Variants in MAOB observed in about 807,000 individuals in gnomAD.
MAOB encodes the protein amine oxidase [flavin-containing] B.
In MAOB, 15 loss-of-function variants were observed where a neutral mutation model predicts 41.9. The observed-to-expected ratio is 0.36, with a 90% confidence interval of 0.24 to 0.55. The LOEUF (loss-of-function observed/expected upper bound fraction) is 0.55, where lower values mean the gene tolerates loss of function less well. Ranked by LOEUF, MAOB falls within the 20% of genes least tolerant of loss-of-function variation. The pLI is 0.86. For missense variants in MAOB, 345 were observed against 398.7 expected, an observed-to-expected ratio of 0.87 and a Z score of 1.15; for synonymous variants, 167 against 144.2, an observed-to-expected ratio of 1.16 and a Z score of -1.13.
chrX:43,855,619 C>A (rs2035282695), intron 1 of MAOB, among the ~76,000 whole-genome samples: 3 of 111,756 alleles, frequency 2.7e-5, no homozygotes, highest in African/African-American at 9.8e-5. Context: ...AGTTAGAGAA[C>A]AAAAACAAGG....
intron 1 of MAOB, among the ~76,000 whole-genome samples, chrX:43,865,908 G>A (rs2035362161): frequency 9.1e-6 from 1 of 110,023 alleles, no homozygotes; most frequent in South Asian, 4.0e-4. Flanking sequence ...AAGTTACCTA[G>A]GTCAGGGGTG....
chrX:43,802,469 A>C (rs776364028), intron 4 of MAOB, among the ~76,000 whole-genome samples: 2 of 111,732 alleles, frequency 1.8e-5, no homozygotes, highest in East Asian at 5.6e-4. Flanking sequence ...TCCTATTATA[A>C]ATCTGTACCA....
chrX:43,843,552 G>A, intron 2 of MAOB, 118 bp downstream of exon 2: 4 of 595,067 alleles, frequency 6.7e-6, no homozygotes, highest in Non-Finnish European at 1.0e-5. Context: ...ATGTTTCAGA[G>A]TTATTTTCAC....
chrX:43,835,550 T>C (rs906623860), intron 3 of MAOB, among the ~76,000 whole-genome samples: 1 of 112,000 alleles, frequency 8.9e-6, no homozygotes, highest in Non-Finnish European at 1.9e-5. Context: ...TTTAACAACA[T>C]ATAACAGATC....
rs1307501633 is a variant in MAOB, at chrX:43,876,217, C to A, written c.46+6037G>T. Among the ~76,000 whole-genome samples the A allele has an allele frequency of 2.7e-5, 3 of 111,940 alleles. No individual in the cohort carries two copies. The East Asian group carries it at 8.4e-4, about 31-fold the overall frequency. On this transcript the variant is annotated intron_variant, in intron 1 of 14. Coordinates refer to ENST00000378069, the MANE Select transcript of MAOB (RefSeq NM_000898.5). ...TCAAGCAATCCACCCACCTTGGCCT[C>A]CCAAAGTGCTGGGATTACAGGTGTG...
rs369838533 is a variant in MAOB at position 43,803,415 on chromosome X, C to A, written c.280-11G>T. On this transcript the variant is annotated splice_polypyrimidine_tract_variant and intron_variant, in intron 3 of 14. Coordinates refer to ENST00000378069, the MANE Select transcript of MAOB (RefSeq NM_000898.5). ...GGGGTATGATTTGCCCTGTGAGATA[C>A]AAGATATTTTTAAAAGGAAATATTT... 35 of 1,162,945 alleles carry A rather than the reference C, an allele frequency of 3.0e-5. No individual in the cohort carries two copies. Among genetic ancestry groups the A allele is most frequent in the Non-Finnish European group, 3.8e-5 (33 of 879,649 alleles).
chrX:43,873,563 G>A (rs967465191), intron 1 of MAOB, among the ~76,000 whole-genome samples: 5 of 111,628 alleles, frequency 4.5e-5, no homozygotes, highest in Non-Finnish European at 9.4e-5. Flanking sequence ...GCCATTAAAT[G>A]GAGACTATGG....
At chrX:43,845,148 A>T (rs1261101504) in intron 1 of MAOB, among the ~76,000 whole-genome samples, 2 of 111,207 alleles carry the variant, frequency 1.8e-5, no homozygotes, top group East Asian at 2.8e-4. Context: ...ATTTTTTTTT[A>T]AAAGCACTCT....
intron 11 of MAOB, among the ~76,000 whole-genome samples, chrX:43,778,238 T>C (rs748315693): frequency 2.7e-5 from 3 of 110,629 alleles, no homozygotes; most frequent in African/African-American, 9.9e-5. Flanking sequence ...ATGGGGTAGG[T>C]ATAGGTTTAT....
At chrX:43,821,739 A>C (rs1055038553) in intron 3 of MAOB, among the ~76,000 whole-genome samples, 6 of 112,052 alleles carry the variant, frequency 5.4e-5, no homozygotes, top group Non-Finnish European at 1.1e-4. Context: ...GTTGAGAAAA[A>C]ATTGTTTCTA....
At chrX:43,850,568 G>A (rs1318024610) in intron 1 of MAOB, 1 of 425,296 alleles carries the variant, frequency 2.4e-6, no homozygotes, top group Non-Finnish European at 2.9e-6. Flanking sequence ...ATTGCAATGT[G>A]TACCATCATT....
intron 9 of MAOB, among the ~76,000 whole-genome samples, chrX:43,780,914 T>C (rs774060925): frequency 4.5e-5 from 5 of 111,848 alleles, no homozygotes; most frequent in African/African-American, 1.6e-4. Context: ...CTCATACATG[T>C]CCTGAGGCCC....
chrX:43,862,700 G>T (rs371220514), intron 1 of MAOB, among the ~76,000 whole-genome samples: 1 of 111,646 alleles, frequency 9.0e-6, no homozygotes, highest in Non-Finnish European at 1.9e-5. Context: ...TACATGCACC[G>T]GAAGGGCATA....
chrX:43,802,099 T>A, intron 5 of MAOB, 73 bp downstream of exon 5: 1 of 840,356 alleles, frequency 1.2e-6, no homozygotes. Context: ...TGTCCCATAC[T>A]TGTTGAACGG....
chrX:43,842,931 A>C (rs1488066108), intron 2 of MAOB, among the ~76,000 whole-genome samples: 1 of 111,381 alleles, frequency 9.0e-6, no homozygotes, highest in Non-Finnish European at 1.9e-5. Context: ...GGAGTACAAA[A>C]TTTTAGCTAG....
chrX:43,833,245 G>T (rs1158564263), intron 3 of MAOB, among the ~76,000 whole-genome samples: 1 of 110,296 alleles, frequency 9.1e-6, no homozygotes, highest in African/African-American at 3.3e-5. Context: ...GAAAACACTT[G>T]GTAGTTTCTA....
At chrX:43,813,247 G>T (rs2034769654) in intron 3 of MAOB, among the ~76,000 whole-genome samples, 2 of 111,798 alleles carry the variant, frequency 1.8e-5, no homozygotes, top group African/African-American at 6.5e-5. Context: ...GGGCTAATAG[G>T]TTTAAGTTAA....
At chrX:43,770,573 C>T (rs1365227635) in intron 12 of MAOB, among the ~76,000 whole-genome samples, 2 of 111,514 alleles carry the variant, frequency 1.8e-5, no homozygotes, top group East Asian at 5.6e-4. Flanking sequence ...AGTTATACTT[C>T]CTCTCTCTAC....
intron 1 of MAOB, among the ~76,000 whole-genome samples, chrX:43,844,258 A>G (rs1359316402): frequency 9.0e-6 from 1 of 111,460 alleles, no homozygotes; most frequent in African/African-American, 3.3e-5. Context: ...AAGGAGGTAA[A>G]ATTCGACCCC....
Sources: allele counts gnomAD v4.1 joint callset (sites outside exome capture counted in the v4.1 genomes callset), GRCh38; gene constraint gnomAD v4.1.1; transcripts MANE v1.5; gene names NCBI Gene and HGNC (gene_info 2026-07-23, HGNC 2026-07-21).